The following FGFR1 variants were observed in gnomAD, a reference collection of about 807,000 sequenced individuals.
FGFR1 encodes fibroblast growth factor receptor 1.
A neutral mutation model predicts 93.7 loss-of-function variants in FGFR1; 18 were observed. The ratio of observed to expected loss-of-function variants is 0.19; its 90% CI spans 0.13 to 0.28. FGFR1 has a LOEUF of 0.28. FGFR1 is among the 10% of genes least tolerant of loss of function. The probability of loss-of-function intolerance (pLI) is 1.00; values close to 1 mark genes in which losing one functional copy is unlikely to be tolerated. For synonymous variants in FGFR1, 448 were observed against 429.3 expected (o/e 1.04, Z -0.54); for missense variants, 731 against 1,080.4 (o/e 0.68, Z 4.53).
At chr8:38,464,802 A>T (rs1328034037) in intron 1 of FGFR1, among the ~76,000 whole-genome samples, 1 of 152,232 alleles carries the variant, frequency 6.6e-6, no homozygotes, top group East Asian at 1.9e-4. Flanking sequence ...CAGCAGCAAC[A>T]GGCTCAAACT....
rs376538647 is a variant in FGFR1 at position 38,413,865 on chromosome 8, C to T, written c.2292+53G>A. The T allele has an allele frequency of 8.7e-6, 14 of 1,611,566 alleles. No individual in the cohort carries two copies. The highest frequency in any genetic ancestry group is 1.2e-5 in the Non-Finnish European group (14 of 1,177,932). On this transcript the variant is annotated intron_variant, in intron 17 of 17. Transcript: ENST00000447712. The surrounding 1 kb of genome is among the most constrained non-coding windows in gnomAD (Gnocchi z 4.2). Reference sequence around the variant, plus strand: ...CCCCTCCTCCCTGCTCAGGGAGGTGCGTGCACGCAGTGGGGACGGCCTGAG... The same window carrying T: ...CCCCTCCTCCCTGCTCAGGGAGGTGTGTGCACGCAGTGGGGACGGCCTGAG...
At chr8:38,442,931 G>A (rs1828011925) in intron 2 of FGFR1, among the ~76,000 whole-genome samples, 1 of 152,198 alleles carries the variant, frequency 6.6e-6, no homozygotes, top group Non-Finnish European at 1.5e-5. Flanking sequence ...TGGTGGGGCT[G>A]GGTCACCAGC....
At chr8:38,416,392 C>T (rs1816611674) in intron 12 of FGFR1, among the ~76,000 whole-genome samples, 1 of 151,116 alleles carries the variant, frequency 6.6e-6, no homozygotes, top group African/African-American at 2.4e-5. Context: ...TCAAGTGATT[C>T]TCCTGCCTCA....
intron 7 of FGFR1, chr8:38,423,757 G>A (rs1334027947): frequency 6.3e-6 from 1 of 159,128 alleles, no homozygotes; most frequent in African/African-American, 2.4e-5. Flanking sequence ...GGGGTTGTGA[G>A]TGGAGACAGT....
chr8:38,453,063 C>A (rs138992664), intron 2 of FGFR1, among the ~76,000 whole-genome samples: 130 of 152,330 alleles, frequency 8.5e-4, no homozygotes, highest in African/African-American at 3.1e-3. Context: ...TTTACACTTA[C>A]AAGGTTCCTT....
chr8:38,421,710 T>C (rs2150747953), intron 8 of FGFR1, 87 bp downstream of exon 8: 1 of 1,429,680 alleles, frequency 7.0e-7, no homozygotes, highest in Non-Finnish European at 9.9e-7. Context: ...CTCTCCTGCC[T>C]CTGTGTCTCC....
chr8:38,425,111 AC>A (rs1651815104), intron 6 of FGFR1, among the ~76,000 whole-genome samples: 2 of 149,920 alleles, frequency 1.3e-5, no homozygotes, highest in African/African-American at 4.9e-5. Context: ...CTCAGATCTT[AC>A]CCCAACCTCT....
In FGFR1 at chr8:38,413,824, G is replaced by A. The variant is rs1815244210; in HGVS notation, c.2293-20C>T. 1.9e-6 allele frequency: 3 copies of A among 1,613,966 alleles called. No individual in the cohort carries two copies. Among genetic ancestry groups the A allele is most frequent in the Non-Finnish European group, 1.7e-6 (2 of 1,179,896 alleles). ...GTACTCCTGTGATGGGCGAGAGGAAGCAGCGATGGGCCGGGCCCCTCCTCC... is the reference window on the plus strand; with the variant it reads ...GTACTCCTGTGATGGGCGAGAGGAAACAGCGATGGGCCGGGCCCCTCCTCC... On this transcript the variant is annotated intron_variant, in intron 17 of 17. Transcript: ENST00000447712. This position sits in a 1 kb window ranked among gnomAD's most constrained non-coding sequence, Gnocchi z 4.2.
rs913349083 is a variant in FGFR1 at position 38,426,710 on chromosome 8, A to G, written c.622-465T>C. Among the ~76,000 whole-genome samples, 1 of 152,202 alleles carries G rather than the reference A, an allele frequency of 6.6e-6. No homozygotes were observed. The highest frequency in any genetic ancestry group is 1.5e-5 in the Non-Finnish European group (1 of 68,032). ...AGTCTACTTTTTACGGTAGCTGCTC[A>G]TGGACATTTGCCTCCTATCAGACTG... On this transcript the variant is annotated intron_variant, in intron 5 of 17. Transcript: ENST00000447712. This position sits in a 1 kb window ranked among gnomAD's most constrained non-coding sequence, Gnocchi z 4.1.
At position 38,425,054 on chromosome 8, in the gene FGFR1, G is replaced by A. The variant is rs115172029; in HGVS notation, c.746-355C>T. On this transcript the variant is annotated intron_variant, in intron 6 of 17. Transcript: ENST00000447712. ...TCCTGCTATTCAAAGTGTGGTCCAC[G>A]AGCAGTGCTACCAGCATCCCCTAGG... Among the ~76,000 whole-genome samples, 551 of 152,206 alleles carry A rather than the reference G, an allele frequency of 3.6e-3. 4 individuals are homozygous for A. Among genetic ancestry groups the A allele is most frequent in the African/African-American group, 0.013 (529 of 41,514 alleles).
Position 38,424,491 on chromosome 8 carries a change from G to C in FGFR1, c.936+18C>G, listed in dbSNP as rs2150811463. On this transcript the variant is annotated intron_variant, in intron 7 of 17. Transcript: ENST00000447712. This position sits in a 1 kb window ranked among gnomAD's most constrained non-coding sequence, Gnocchi z 4.3. ...CCTTCCCAGTAGACTGGCCCACGAA[G>C]ACTGGTGCCATGATTACCTTCAAGA... 1 of 1,614,032 alleles carries C rather than the reference G, an allele frequency of 6.2e-7. No homozygotes were observed. The highest frequency in any genetic ancestry group is 8.5e-7 in the Non-Finnish European group (1 of 1,179,954).
intron 4 of FGFR1, 45 bp downstream of exon 4, chr8:38,428,301 A>C (rs762788422): frequency 2.4e-5 from 38 of 1,595,618 alleles, no homozygotes; most frequent in Admixed American, 3.3e-5. Flanking sequence ...TCTTAAACCC[A>C]ATGCCCAGAC....
intron 2 of FGFR1, among the ~76,000 whole-genome samples, chr8:38,446,286 T>C (rs1436757978): frequency 2.0e-5 from 3 of 150,840 alleles, no homozygotes; most frequent in Non-Finnish European, 3.0e-5. Flanking sequence ...TCTCGGCTCA[T>C]TGCAACCTCT....
In FGFR1 at chr8:38,416,448, AT is replaced by A. The variant is rs57944426; in HGVS notation, c.1664-389del. ...TACAGGCATGAACAATGCCTGGCTA[AT>A]TTTTTTTTTTTTTTTTTTTTTTTTT... is the stretch of plus-strand genomic sequence containing the variant. On this transcript the variant is annotated intron_variant, in intron 12 of 17. Coordinates refer to ENST00000447712, the MANE Select transcript of FGFR1 (RefSeq NM_023110.3). Among the ~76,000 whole-genome samples, 508 of 80,914 alleles carry A rather than the reference AT, an allele frequency of 6.3e-3. 1 individual carries two copies. Among genetic ancestry groups the A allele is most frequent in the Middle Eastern group, 0.021 (2 of 94 alleles). 53.1% of individuals were successfully genotyped at this position (80,914 alleles called of 152,430 possible).
chr8:38,465,110 C>T (rs1199059151), intron 1 of FGFR1, among the ~76,000 whole-genome samples: 7 of 152,200 alleles, frequency 4.6e-5, no homozygotes, highest in Non-Finnish European at 1.0e-4. Context: ...GAGGGATGCA[C>T]CGATGTATCT....
rs560882842 is a variant in FGFR1 at position 38,454,788 on chromosome 8, A to G, written c.91+2568T>C. ...CGTATGGTGTTTGAGTAGTTTGTTG[A>G]AGTAAATAATGCAGCTATCAAGTGG... On this transcript the variant is annotated intron_variant, in intron 2 of 17. Coordinates refer to ENST00000447712, the MANE Select transcript of FGFR1 (RefSeq NM_023110.3). Among the ~76,000 whole-genome samples the G allele has an allele frequency of 3.3e-5, 5 of 152,230 alleles. No homozygotes were observed. In the South Asian group the frequency reaches 1.0e-3, roughly 32 times the overall value.
intron 2 of FGFR1, among the ~76,000 whole-genome samples, chr8:38,432,910 C>CA (rs1332374495): frequency 7.9e-6 from 1 of 127,130 alleles, no homozygotes; most frequent in Non-Finnish European, 1.7e-5. Flanking sequence ...CCCACCGCGC[C>CA]CCCCCCCCTC....
At chr8:38,416,219 A>G (rs571516139) in intron 12 of FGFR1, among the ~76,000 whole-genome samples, 159 bp from the exon 13 acceptor site, 11 of 152,282 alleles carry the variant, frequency 7.2e-5, no homozygotes, top group Non-Finnish European at 1.3e-4. Flanking sequence ...CCCAAAAAAA[A>G]TCAGAGAAAT....
chr8:38,431,491 C>G (rs1476557849), intron 2 of FGFR1, among the ~76,000 whole-genome samples: 4 of 152,246 alleles, frequency 2.6e-5, no homozygotes. Context: ...TGGCTCTTCA[C>G]TGCCTTCCTT....
Sources: allele counts gnomAD v4.1 joint callset (sites outside exome capture counted in the v4.1 genomes callset), GRCh38; gene constraint gnomAD v4.1.1; non-coding constraint Gnocchi (gnomAD v3.1); transcripts MANE v1.5; gene names NCBI Gene and HGNC (gene_info 2026-07-23, HGNC 2026-07-21).